The following GLRA1 variants were observed in gnomAD, a reference collection of about 807,000 sequenced individuals.
GLRA1 encodes the protein glycine receptor alpha 1.
Under a neutral mutation model 48.3 loss-of-function variants are expected in GLRA1, and 37 were observed. The ratio of observed to expected loss-of-function variants is 0.77; its 90% CI spans 0.59 to 1.01. The LOEUF (loss-of-function observed/expected upper bound fraction) is 1.01. Among genes scored for constraint, GLRA1 ranks in the 50% least tolerant of loss-of-function variants. The probability of loss-of-function intolerance (pLI) is 0.00; values close to 1 mark genes in which losing one functional copy is unlikely to be tolerated. For missense variants in GLRA1, 427 were observed against 571.0 expected, an observed-to-expected ratio of 0.75 and a Z score of 2.57; for synonymous variants, 196 against 210.7, an observed-to-expected ratio of 0.93 and a Z score of 0.60.
At chr5:151,848,919 G>A in intron 7 of GLRA1, 1 of 697,934 alleles carries the variant, frequency 1.4e-6, no homozygotes, top group Non-Finnish European at 2.7e-6. Flanking sequence ...TTAAACAAAG[G>A]TATTAAGCAG....
intron 1 of GLRA1, 140 bp from the exon 2 acceptor site, chr5:151,892,578 A>G (rs1483248138): frequency 3.4e-6 from 3 of 883,554 alleles, no homozygotes; most frequent in South Asian, 2.9e-5. Context: ...GTCCTTAATG[A>G]GGTAAGGCCC....
intron 7 of GLRA1, among the ~76,000 whole-genome samples, chr5:151,836,480 AAAG>A (rs1297781397): frequency 6.6e-6 from 1 of 152,242 alleles, no homozygotes; most frequent in Admixed American, 6.5e-5. Context: ...TGTAACCAAA[AAAG>A]AGCCCACATA....
intron 1 of GLRA1, among the ~76,000 whole-genome samples, chr5:151,909,465 T>C (rs1476730442): frequency 6.6e-6 from 1 of 152,236 alleles, no homozygotes; most frequent in Non-Finnish European, 1.5e-5. Context: ...GTCCTTCTGA[T>C]ACTTTCCATT....
intron 1 of GLRA1, among the ~76,000 whole-genome samples, chr5:151,918,003 C>T (rs1754780192): frequency 6.6e-6 from 1 of 152,172 alleles, no homozygotes; most frequent in Admixed American, 6.5e-5. Flanking sequence ...GCAACGGACA[C>T]TGAAAAACAG....
intron 7 of GLRA1, among the ~76,000 whole-genome samples, chr5:151,841,661 C>T (rs376309172): frequency 6.6e-6 from 1 of 151,960 alleles, no homozygotes; most frequent in South Asian, 2.1e-4. Flanking sequence ...ATTGACTTTA[C>T]AGAAATAAAA....
chr5:151,856,987 C>T (rs1282888737), intron 4 of GLRA1, among the ~76,000 whole-genome samples: 1 of 152,248 alleles, frequency 6.6e-6, no homozygotes, highest in Non-Finnish European at 1.5e-5. Context: ...CTTTGGGGAC[C>T]TGCAGGCCCT....
intron 1 of GLRA1, among the ~76,000 whole-genome samples, chr5:151,899,531 C>G (rs1366501293): frequency 6.6e-6 from 1 of 152,088 alleles, no homozygotes; most frequent in African/African-American, 2.4e-5. Context: ...GCACTCTTGG[C>G]TTTCTAGGCT....
chr5:151,860,519 A>C (rs1430091574), intron 3 of GLRA1, among the ~76,000 whole-genome samples: 1 of 152,210 alleles, frequency 6.6e-6, no homozygotes, highest in South Asian at 2.1e-4. Flanking sequence ...CTGATGTCTG[A>C]GCATTCAAAC....
At chr5:151,857,853 A>C (rs1301695550) in intron 4 of GLRA1, among the ~76,000 whole-genome samples, 1 of 152,246 alleles carries the variant, frequency 6.6e-6, no homozygotes, top group Non-Finnish European at 1.5e-5. Context: ...TTCAGAGCCC[A>C]AAGAGCCTTA....
intron 1 of GLRA1, among the ~76,000 whole-genome samples, chr5:151,909,660 A>G (rs1366085133): frequency 6.6e-6 from 1 of 152,232 alleles, no homozygotes; most frequent in Non-Finnish European, 1.5e-5. Flanking sequence ...GTCCCTAGTA[A>G]AATAAAATAA....
In GLRA1 at chr5:151,822,801, A is replaced by T. The variant is rs367564392; in HGVS notation, c.1222T>A (p.Phe408Ile). ...SKSPEEMRKL[F>I]IQRAKKIDKI... Reference sequence around the variant, plus strand: ...TCGATCTTCTTGGCCCTCTGGATGAAGAGTTTTCGCATCTCCTCTGGGGAC... The same window carrying T: ...TCGATCTTCTTGGCCCTCTGGATGATGAGTTTTCGCATCTCCTCTGGGGAC... Residue 408 changes from phenylalanine to isoleucine, a missense_variant, in exon 9 of 9, where the codon TTC becomes ATC. By Grantham distance (21) the Phe-to-Ile change is conservative. This residue lies in a region of GLRA1 where 121 missense variants were observed against 96.5 expected (regional missense o/e 1.25). Transcript: ENST00000274576. 2 of 1,613,950 alleles carry T rather than the reference A, an allele frequency of 1.2e-6. No individual in the cohort carries two copies. The highest frequency in any genetic ancestry group is 2.7e-5 in the African/African-American group (2 of 74,904).
chr5:151,830,659 G>A (rs1352136473), intron 7 of GLRA1, among the ~76,000 whole-genome samples: 6 of 152,188 alleles, frequency 3.9e-5, no homozygotes, highest in African/African-American at 1.4e-4. Context: ...AGGCATTTAG[G>A]AAACCTTTGT....
chr5:151,834,706 T>C (rs6579905), intron 7 of GLRA1, among the ~76,000 whole-genome samples: 67,718 of 151,876 alleles, frequency 0.45, 15,524 homozygotes, highest in African/African-American at 0.56. Flanking sequence ...TGAAGATTAA[T>C]AAAATATATA....
At chr5:151,829,091 C>G in intron 7 of GLRA1, 24 bp from the exon 8 acceptor site, 1 of 1,612,242 alleles carries the variant, frequency 6.2e-7, no homozygotes, top group Non-Finnish European at 8.5e-7. Flanking sequence ...GGAGGAGAAA[C>G]AGGGAGGTGA....
chr5:151,857,057 A>G (rs540404755), intron 4 of GLRA1, among the ~76,000 whole-genome samples: 46 of 152,208 alleles, frequency 3.0e-4, no homozygotes, highest in African/African-American at 1.1e-3. Flanking sequence ...TCTGTCCTCC[A>G]GGCTCCCAAA....
chr5:151,822,656 C>G lies in GLRA1; in HGVS notation c.*17G>C, dbSNP rs1279624692. Reference sequence around the variant, plus strand: ...CCACGTTCCCCTCTCCCAGCCTCCCCCAACCTTTCAGACCCTTCACTGGTT... The same window carrying G: ...CCACGTTCCCCTCTCCCAGCCTCCCGCAACCTTTCAGACCCTTCACTGGTT... On this transcript the variant is annotated 3_prime_UTR_variant, in exon 9 of 9. Coordinates refer to ENST00000274576, the MANE Select transcript of GLRA1 (RefSeq NM_000171.4). The G allele has an allele frequency of 1.3e-6, 2 of 1,589,698 alleles. No homozygotes were observed. Among genetic ancestry groups the G allele is most frequent in the Non-Finnish European group, 1.7e-6 (2 of 1,157,916 alleles).
Position 151,917,461 on chromosome 5 carries a change from G to A in GLRA1, c.56+7033C>T, listed in dbSNP as rs74348147. Among the ~76,000 whole-genome samples the A allele has an allele frequency of 8.7e-3, 1,329 of 152,270 alleles. 18 individuals are homozygous for A. The highest frequency in any genetic ancestry group is 0.031 in the African/African-American group (1,278 of 41,540). ...ATTTTTAAAACCACTTTATTGAGGT[G>A]TGATTGACATACAAAAGCTGTACAT... On this transcript the variant is annotated intron_variant, in intron 1 of 8. Coordinates refer to ENST00000274576, the MANE Select transcript of GLRA1 (RefSeq NM_000171.4).
intron 1 of GLRA1, among the ~76,000 whole-genome samples, chr5:151,895,104 A>G (rs1248266034): frequency 6.6e-6 from 1 of 152,200 alleles, no homozygotes; most frequent in African/African-American, 2.4e-5. Flanking sequence ...GTATGGATAT[A>G]TATGGGGATT....
At chr5:151,884,823 A>G (rs922019173) in intron 3 of GLRA1, among the ~76,000 whole-genome samples, 1 of 152,226 alleles carries the variant, frequency 6.6e-6, no homozygotes, top group Non-Finnish European at 1.5e-5. Context: ...GGAAGTGTCA[A>G]CACTCACTGT....
Sources: gnomAD v4.1 joint callset for allele counts (sites outside exome capture counted in the v4.1 genomes callset) on GRCh38, gnomAD v4.1.1 for gene constraint, gnomAD v4.1.1 regional missense constraint, MANE v1.5 for transcripts, NCBI Gene and HGNC (gene_info 2026-07-23, HGNC 2026-07-21) for gene names.